PTPRD: variants seen among roughly 807,000 people sequenced by gnomAD.
PTPRD encodes the protein protein tyrosine phosphatase receptor type D.
A neutral mutation model predicts 214.5 loss-of-function variants in PTPRD; 34 were observed. The ratio of observed to expected loss-of-function variants is 0.16; its 90% CI spans 0.12 to 0.21. The LOEUF is 0.21. PTPRD is among the 10% of genes least tolerant of loss of function. PTPRD has a pLI of 1.00. For synonymous variants in PTPRD, 1,128 were observed against 845.7 expected (o/e 1.33, Z -5.79); for missense variants, 2,545 against 2,398.7 (o/e 1.06, Z -1.27).
chr9:8,370,069 G>A (rs1046421102), intron 39 of PTPRD, among the ~76,000 whole-genome samples: 2 of 151,986 alleles, frequency 1.3e-5, no homozygotes, highest in South Asian at 2.1e-4. Flanking sequence ...AGACTAAGAC[G>A]ATATAGGAAA....
chr9:9,388,667 T>C (rs1020744081), intron 9 of PTPRD, among the ~76,000 whole-genome samples: 2 of 152,086 alleles, frequency 1.3e-5, no homozygotes, highest in African/African-American at 4.8e-5. Context: ...ACCAGGAAAG[T>C]TTTAAATATA....
intron 5 of PTPRD, among the ~76,000 whole-genome samples, chr9:9,768,893 T>C (rs1036490404): frequency 6.6e-6 from 1 of 152,212 alleles, no homozygotes; most frequent in African/African-American, 2.4e-5. Context: ...AAACTTCAGT[T>C]TGTAACATGC....
chr9:8,670,780 G>A (rs936752298), intron 12 of PTPRD, among the ~76,000 whole-genome samples: 1 of 152,140 alleles, frequency 6.6e-6, no homozygotes, highest in Non-Finnish European at 1.5e-5. Context: ...TAAGACTAGG[G>A]GTGTGGATGA....
At chr9:9,835,833 C>T (rs907296366) in intron 5 of PTPRD, among the ~76,000 whole-genome samples, 2 of 152,082 alleles carry the variant, frequency 1.3e-5, no homozygotes, top group Non-Finnish European at 2.9e-5. Context: ...ACCCTCCTGC[C>T]ATATTGTAAT....
chr9:9,676,370 T>C (rs935040707), intron 7 of PTPRD, among the ~76,000 whole-genome samples: 7 of 148,448 alleles, frequency 4.7e-5, no homozygotes, highest in African/African-American at 1.7e-4. Flanking sequence ...AGGGAGAACA[T>C]GCGGTGTTTG....
intron 9 of PTPRD, among the ~76,000 whole-genome samples, chr9:9,290,450 C>T (rs781355516): frequency 1.4e-4 from 21 of 151,618 alleles, no homozygotes; most frequent in Non-Finnish European, 1.6e-4. Flanking sequence ...TGCAGACATT[C>T]TCTAGTTGGA....
chr9:9,042,073 A>G (rs969031469), intron 10 of PTPRD, among the ~76,000 whole-genome samples: 2 of 152,188 alleles, frequency 1.3e-5, no homozygotes, highest in Non-Finnish European at 1.5e-5. Context: ...TGGTCTGGCT[A>G]TTGTGACTAG....
intron 3 of PTPRD, among the ~76,000 whole-genome samples, chr9:10,210,982 G>T (rs987884961): frequency 2.0e-5 from 3 of 150,418 alleles, no homozygotes; most frequent in African/African-American, 4.9e-5. Flanking sequence ...TGAGAAAAAG[G>T]GTACACATTT....
rs1206508818 is a variant in PTPRD, at chr9:8,317,131, A to G, written c.*743T>C. The G allele has an allele frequency of 4.3e-5, 10 of 231,932 alleles. No homozygotes were observed. Among genetic ancestry groups the G allele is most frequent in the Non-Finnish European group, 8.5e-6 (1 of 117,026 alleles). The allele number at this position is 231,932 out of a possible 1,614,324, so 14.4% of individuals were successfully genotyped here. On this transcript the variant is annotated 3_prime_UTR_variant, in exon 46 of 46. Transcript: ENST00000381196. ...AAAATTAATATATCTGACGAGACTG[A>G]TACTGTAGATTGAGTTTTGCACAAA...
intron 10 of PTPRD, among the ~76,000 whole-genome samples, chr9:9,048,845 C>T (rs2154392188): frequency 6.6e-6 from 1 of 152,156 alleles, no homozygotes; most frequent in African/African-American, 2.4e-5. Context: ...AGGATAAATG[C>T]TTGAGGGTAT....
intron 43 of PTPRD, among the ~76,000 whole-genome samples, chr9:8,333,894 A>C (rs1843995934): frequency 6.6e-6 from 1 of 152,174 alleles, no homozygotes; most frequent in Non-Finnish European, 1.5e-5. Flanking sequence ...GTCTCTGATA[A>C]AACTGATGAC....
At position 9,614,772 on chromosome 9, in the gene PTPRD, T is replaced by C. The variant is rs377310058; in HGVS notation, c.-286-39991A>G. On this transcript the variant is annotated intron_variant, in intron 7 of 45. Coordinates refer to ENST00000381196, the MANE Select transcript of PTPRD (RefSeq NM_002839.4). The stretch of plus-strand genomic sequence containing the variant: ...TTTTTCATATCAAAAAACACAGAAC[T>C]GAAAAAGCTGTAGAGCAGAACACAG... 1.7e-3 allele frequency among the ~76,000 whole-genome samples: 265 copies of C among 152,306 alleles called. 5 individuals are homozygous for C. The Middle Eastern group carries it at 0.027, about 16-fold the overall frequency.
intron 7 of PTPRD, among the ~76,000 whole-genome samples, chr9:9,666,869 T>A (rs561700063): frequency 6.6e-6 from 1 of 152,182 alleles, no homozygotes; most frequent in African/African-American, 2.4e-5. Context: ...TTTTTTCCCT[T>A]AATGCTTTAC....
chr9:10,073,050 T>C (rs1346464698), intron 3 of PTPRD, among the ~76,000 whole-genome samples: 1 of 152,076 alleles, frequency 6.6e-6, no homozygotes, highest in East Asian at 1.9e-4. Flanking sequence ...TTTTGCTAAG[T>C]GAGCCAAACC....
chr9:8,643,946 G>A (rs570597958), intron 12 of PTPRD, among the ~76,000 whole-genome samples: 1 of 152,300 alleles, frequency 6.6e-6, no homozygotes, highest in Non-Finnish European at 1.5e-5. Context: ...TGAGTGCTGG[G>A]CTGTCAGCCC....
At chr9:9,953,525 T>C (rs906172793) in intron 4 of PTPRD, among the ~76,000 whole-genome samples, 36 of 145,228 alleles carry the variant, frequency 2.5e-4, no homozygotes, top group Admixed American at 1.3e-3. Context: ...CACACACACA[T>C]ACATACACAC....
chr9:8,680,267 CCA>C (rs1427245221), intron 12 of PTPRD, among the ~76,000 whole-genome samples: 31 of 151,868 alleles, frequency 2.0e-4, no homozygotes, highest in African/African-American at 5.1e-4. Flanking sequence ...TGAAAAGAAC[CCA>C]CAGTTTTCAA....
At chr9:9,537,340 G>A (rs911558983) in intron 8 of PTPRD, among the ~76,000 whole-genome samples, 10 of 151,816 alleles carry the variant, frequency 6.6e-5, no homozygotes, top group East Asian at 1.9e-4. Context: ...CATCCATGTC[G>A]TTAGTCCAGT....
At chr9:9,936,552 G>A (rs10816253) in intron 5 of PTPRD, among the ~76,000 whole-genome samples, 64,977 of 127,000 alleles carry the variant, frequency 0.51, 19,467 homozygotes, top group East Asian at 0.88. Context: ...TTAGAATGGC[G>A]ATCATTAAAA....
Sources: gnomAD v4.1 joint callset for allele counts (sites outside exome capture counted in the v4.1 genomes callset) on GRCh38, gnomAD v4.1.1 for gene constraint, MANE v1.5 for transcripts, NCBI Gene and HGNC (gene_info 2026-07-23, HGNC 2026-07-21) for gene names.